Variants in PPP1R36 observed in about 807,000 individuals in gnomAD.
PPP1R36 encodes chromosome 14 open reading frame 50.
PPP1R36 carries 47 observed loss-of-function variants against 53.4 expected under a neutral mutation model. That is an observed-to-expected ratio of 0.88 (90% confidence interval 0.70 to 1.12). The LOEUF is 1.12. PPP1R36 is among the 50% of genes most tolerant of loss of function. The pLI, the probability that PPP1R36 is intolerant of heterozygous loss-of-function variation, is 0.00. For synonymous variants in PPP1R36, 153 were observed against 170.5 expected (o/e 0.90, Z 0.80); for missense variants, 456 against 513.9 (o/e 0.89, Z 1.09).
intron 8 of PPP1R36, among the ~76,000 whole-genome samples, chr14:64,580,751 A>G (rs1344316558): frequency 6.6e-6 from 1 of 152,204 alleles, no homozygotes; most frequent in East Asian, 1.9e-4. Flanking sequence ...TCGGAAGTTT[A>G]TATTGTTCTT....
chr14:64,578,031 T>C (rs1337842535), intron 8 of PPP1R36, among the ~76,000 whole-genome samples: 14 of 147,310 alleles, frequency 9.5e-5, no homozygotes, highest in South Asian at 2.2e-4. Flanking sequence ...GGCCTTTTTT[T>C]TTTGAGATGG....
intron 5 of PPP1R36, 49 bp downstream of exon 5, chr14:64,565,503 A>T: frequency 1.4e-6 from 2 of 1,454,940 alleles, no homozygotes; most frequent in Non-Finnish European, 1.9e-6. Flanking sequence ...CTGTACATAC[A>T]TACACATATC....
At chr14:64,567,987 G>T (rs2080273943) in intron 6 of PPP1R36, among the ~76,000 whole-genome samples, 1 of 152,184 alleles carries the variant, frequency 6.6e-6, no homozygotes, top group African/African-American at 2.4e-5. Context: ...TACCACTAGG[G>T]AGTAGGATGG....
intron 3 of PPP1R36, among the ~76,000 whole-genome samples, chr14:64,558,337 G>A (rs984469390): frequency 2.0e-5 from 3 of 152,112 alleles, no homozygotes; most frequent in Admixed American, 6.5e-5. Context: ...TCAGCACTTC[G>A]AAAGCCTGAG....
intron 7 of PPP1R36, among the ~76,000 whole-genome samples, chr14:64,570,001 A>C (rs1250360611): frequency 6.6e-6 from 1 of 151,880 alleles, no homozygotes; most frequent in African/African-American, 2.4e-5. Flanking sequence ...AACCTCCCAA[A>C]GTGCTAGGAT....
chr14:64,561,758 A>G, intron 3 of PPP1R36: 1 of 456,030 alleles, frequency 2.2e-6, no homozygotes, highest in South Asian at 1.5e-5. Context: ...CTGACATAGT[A>G]CCTGCTATCC....
intron 8 of PPP1R36, among the ~76,000 whole-genome samples, chr14:64,579,429 A>C (rs1385736610): frequency 1.3e-5 from 2 of 152,166 alleles, no homozygotes; most frequent in African/African-American, 4.8e-5. Flanking sequence ...CCTGTGATCC[A>C]AAAACAGGAA....
At chr14:64,585,516 CAAAAAAA>C (rs57102182) in intron 8 of PPP1R36, among the ~76,000 whole-genome samples, 220 of 109,132 alleles carry the variant, frequency 2.0e-3, no homozygotes, top group East Asian at 4.2e-3. Context: ...GACCCTGTCT[CAAAAAAA>C]AAAAAAAAAA....
chr14:64,582,338 G>A (rs893693973), intron 8 of PPP1R36, among the ~76,000 whole-genome samples: 6 of 152,174 alleles, frequency 3.9e-5, no homozygotes, highest in Admixed American at 2.0e-4. Context: ...CTTTAGGAAT[G>A]ACAAATCATA....
chr14:64,587,988 C>A, intron 10 of PPP1R36, 116 bp from the exon 11 acceptor site: 1 of 980,038 alleles, frequency 1.0e-6, no homozygotes. Flanking sequence ...AAGTGATCCT[C>A]CCGCCTTGAT....
At chr14:64,556,260 G>A (rs556492355) in intron 3 of PPP1R36, among the ~76,000 whole-genome samples, 37 of 151,286 alleles carry the variant, frequency 2.4e-4, no homozygotes, top group Admixed American at 4.6e-4. Context: ...ATGCCACCGC[G>A]TCTGGCTAAT....
intron 3 of PPP1R36, among the ~76,000 whole-genome samples, chr14:64,556,762 A>ATGTGTGTGTGTGTGTGTGTGTG (rs369620598): frequency 2.5e-4 from 33 of 134,060 alleles, no homozygotes; most frequent in East Asian, 9.3e-4. Context: ...TCTCCAAAAA[A>ATGTGTGTGTGTGTGTGTGTGTG]TGTGTGTGTG....
chr14:64,583,464 C>T (rs1039180198), intron 8 of PPP1R36, among the ~76,000 whole-genome samples: 5 of 152,116 alleles, frequency 3.3e-5, no homozygotes, highest in African/African-American at 9.7e-5. Context: ...AAACCCATGA[C>T]ATTCTGTACT....
intron 8 of PPP1R36, among the ~76,000 whole-genome samples, chr14:64,579,463 TTGG>T (rs1426840720): frequency 6.6e-6 from 1 of 152,156 alleles, no homozygotes; most frequent in Non-Finnish European, 1.5e-5. Context: ...TTTAGGGCTG[TTGG>T]TGGAGGTTCA....
rs760043387 is a variant in PPP1R36 at position 64,589,169 on chromosome 14, A to AGCCTC, written c.1102_1106dup (p.Cys370LeufsTer28). ...TTTCACAGAGTTGGCATCTTGGGGG[A>AGCCTC]GCCTCGATGTCTATTCAACCCACAT... is the stretch of plus-strand genomic sequence containing the variant. On this transcript the variant is annotated frameshift_variant, in exon 12 of 12. Transcript: ENST00000298705. LOFTEE classifies it low-confidence loss of function (END_TRUNC). The AGCCTC allele has an allele frequency of 1.4e-5, 22 of 1,610,126 alleles. No homozygotes were observed. In the East Asian group the frequency reaches 4.9e-4, roughly 36 times the overall value.
intron 3 of PPP1R36, among the ~76,000 whole-genome samples, chr14:64,561,294 T>C (rs1055060650): frequency 6.6e-6 from 1 of 152,174 alleles, no homozygotes; most frequent in African/African-American, 2.4e-5. Context: ...ACTTCTCTCC[T>C]GGTCAAATGA....
At chr14:64,552,632 A>G in intron 2 of PPP1R36, 182 bp from the exon 3 acceptor site, 1 of 560,090 alleles carries the variant, frequency 1.8e-6, no homozygotes, top group Admixed American at 2.9e-5. Context: ...ACATAGTTAC[A>G]CTAGATGTTT....
At chr14:64,567,349 C>G (rs2080267319) in intron 6 of PPP1R36, among the ~76,000 whole-genome samples, 3 of 152,174 alleles carry the variant, frequency 2.0e-5, no homozygotes, top group Admixed American at 2.0e-4. Context: ...AATTTCACTT[C>G]TGTCTATAAT....
chr14:64,575,966 G>A (rs554652302), intron 8 of PPP1R36, among the ~76,000 whole-genome samples: 3 of 150,866 alleles, frequency 2.0e-5, no homozygotes, highest in Non-Finnish European at 4.4e-5. Context: ...AAGACATTTT[G>A]TATTACCATC....
Sources: allele counts gnomAD v4.1 joint callset (sites outside exome capture counted in the v4.1 genomes callset), GRCh38; gene constraint gnomAD v4.1.1; transcripts MANE v1.5; gene names NCBI Gene and HGNC (gene_info 2026-07-23, HGNC 2026-07-21).